XPO7: variants seen among roughly 807,000 people sequenced by gnomAD.
XPO7 encodes exportin 7, also known as exportin-7.
A neutral mutation model predicts 144.3 loss-of-function variants in XPO7; 21 were observed. That is an observed-to-expected ratio of 0.15 (90% confidence interval 0.10 to 0.21). XPO7 has a LOEUF of 0.21. Among genes scored for constraint, XPO7 ranks in the 10% least tolerant of loss-of-function variants. XPO7 has a pLI of 1.00. For missense variants in XPO7, 808 were observed against 1,325.8 expected (o/e 0.61, Z 6.06); for synonymous variants, 580 against 499.6 (o/e 1.16, Z -2.15).
rs1311196632 is a variant in XPO7, at chr8:21,989,943, A to G, written c.1869-401A>G. ...CGGCTCACTACAAGCTCCGCCTCCC[A>G]GGTTCATGCCATTCTCCTGCCTCAG... On this transcript the variant is annotated intron_variant, in intron 16 of 27. Transcript: ENST00000252512. 5.0e-5 allele frequency among the ~76,000 whole-genome samples: 7 copies of G among 140,482 alleles called. No homozygotes were observed. In the East Asian group the frequency reaches 1.3e-3, roughly 26 times the overall value. 92.2% of individuals were successfully genotyped at this position (140,482 alleles called of 152,430 possible).
chr8:22,003,671 G>A (rs550056709), intron 26 of XPO7, among the ~76,000 whole-genome samples: 1 of 152,276 alleles, frequency 6.6e-6, no homozygotes, highest in East Asian at 1.9e-4. Context: ...GAAAGGTCTG[G>A]ATAAGATGAC....
chr8:21,996,254 C>G lies in XPO7; in HGVS notation c.2345+655C>G, dbSNP rs148851211. ...GCCTGGGCAACATGGTGAAACCCAC[C>G]TCTACAAAAAATTAGCTGGGCATGG... On this transcript the variant is annotated intron_variant, in intron 21 of 27. Transcript: ENST00000252512. 2.0e-3 allele frequency among the ~76,000 whole-genome samples: 308 copies of G among 152,174 alleles called. 1 individual carries two copies. Among genetic ancestry groups the G allele is most frequent in the African/African-American group, 6.9e-3 (286 of 41,530 alleles).
intron 1 of XPO7, among the ~76,000 whole-genome samples, chr8:21,938,838 G>A (rs905627799): frequency 7.9e-5 from 12 of 152,052 alleles, no homozygotes; most frequent in Admixed American, 2.6e-4. Context: ...ATCCCAGATT[G>A]AGAAACGTTA....
chr8:21,974,195 T>C (rs944551357), intron 5 of XPO7, among the ~76,000 whole-genome samples: 1 of 150,624 alleles, frequency 6.6e-6, no homozygotes, highest in Non-Finnish European at 1.5e-5. Flanking sequence ...ATTTTTTTAT[T>C]TTTTTATTTT....
Position 21,919,756 on chromosome 8 carries a change from C to A in XPO7, c.-15C>A. ...GGGGGGAGGGGGGGCCGGAGAGGAG[C>A]ATGAATGGAGCAAAATGGCGGATCA... On this transcript the variant is annotated 5_prime_UTR_variant, in exon 1 of 28. Transcript: ENST00000252512. 1 of 562,320 alleles carries A rather than the reference C, an allele frequency of 1.8e-6. No individual in the cohort carries two copies. The highest frequency in any genetic ancestry group is 2.5e-6 in the Non-Finnish European group (1 of 404,492). 34.8% of individuals were successfully genotyped at this position (562,320 alleles called of 1,614,324 possible). A position where few individuals can be genotyped will look rare whatever the true frequency, so the allele number is the denominator to read the frequency against.
chr8:21,974,503 C>G (rs536691428), intron 5 of XPO7, among the ~76,000 whole-genome samples, 167 bp from the exon 6 acceptor site: 2 of 152,202 alleles, frequency 1.3e-5, no homozygotes, highest in Admixed American at 6.5e-5. Context: ...AGTTTACTAT[C>G]CTCCATCCTT....
chr8:21,973,166 TTAACAAC>T (rs1234021494), intron 5 of XPO7, among the ~76,000 whole-genome samples: 2 of 152,230 alleles, frequency 1.3e-5, no homozygotes, highest in African/African-American at 4.8e-5. Flanking sequence ...GCCTGTGTTC[TTAACAAC>T]TAATGTACTA....
intron 17 of XPO7, 127 bp downstream of exon 17, chr8:21,990,534 C>T (rs1812737242): frequency 1.9e-6 from 2 of 1,054,102 alleles, no homozygotes; most frequent in African/African-American, 1.6e-5. Flanking sequence ...TCCTGATTCC[C>T]ACGATACTGC....
chr8:21,972,686 A>G lies in XPO7; in HGVS notation c.492+745A>G, dbSNP rs74780737. Reference sequence around the variant, plus strand: ...TAGTCATTTACTTTTTTATCCAGCTAAAAATTTGTGATTATAGAACAGGCC... The same window carrying G: ...TAGTCATTTACTTTTTTATCCAGCTGAAAATTTGTGATTATAGAACAGGCC... On this transcript the variant is annotated intron_variant, in intron 5 of 27. Coordinates refer to ENST00000252512, the MANE Select transcript of XPO7 (RefSeq NM_015024.5). Among the ~76,000 whole-genome samples the G allele has an allele frequency of 4.2e-3, 645 of 152,324 alleles. 5 individuals are homozygous for G. Among genetic ancestry groups the G allele is most frequent in the African/African-American group, 0.015 (620 of 41,562 alleles).
chr8:21,969,899 A>G, intron 3 of XPO7: 1 of 553,756 alleles, frequency 1.8e-6, no homozygotes, highest in South Asian at 2.5e-5. Flanking sequence ...CTACCTAGGG[A>G]TAGAGTCAAA....
chr8:22,005,818 A>G lies in XPO7; in HGVS notation c.*730A>G, dbSNP rs1195233649. 6.6e-6 allele frequency: 1 copy of G among 152,152 alleles called. No individual in the cohort carries two copies. Among genetic ancestry groups the G allele is most frequent in the African/African-American group, 2.4e-5 (1 of 41,422 alleles). The allele number at this position is 152,152 out of a possible 1,614,324, so 9.4% of individuals were successfully genotyped here. On this transcript the variant is annotated 3_prime_UTR_variant, in exon 28 of 28. Transcript: ENST00000252512. ...GGGTCCCTAGCCCCTTGCAGTGATA[A>G]ATAACTCCAGCTAAAAGTGTTTGGT...
In XPO7 at chr8:21,980,173, T is replaced by C. The variant is rs748505673; in HGVS notation, c.927T>C (p.Asp309=). The C allele has an allele frequency of 6.2e-7, 1 of 1,601,770 alleles. No individual in the cohort carries two copies. Among genetic ancestry groups the C allele is most frequent in the South Asian group, 1.1e-5 (1 of 88,714 alleles). ...CCAAGTTTCTCTCTCATCTTGTTGA[T>C]GGTGTTAAACGAATACTGGAAAACC... ...ERAKFLSHLV[D]GVKRILENPQ... The change falls in exon 9 of 28, where the codon GAT becomes GAC. Residue 309 remains aspartate (D), a synonymous_variant. Transcript: ENST00000252512.
chr8:21,963,567 C>T (rs764819614), intron 1 of XPO7, among the ~76,000 whole-genome samples: 15 of 151,960 alleles, frequency 9.9e-5, no homozygotes, highest in African/African-American at 3.1e-4. Context: ...TGGTGGCACG[C>T]GCCTGTAGTC....
intron 1 of XPO7, among the ~76,000 whole-genome samples, chr8:21,937,255 T>C (rs1810851271): frequency 6.6e-6 from 1 of 152,206 alleles, no homozygotes; most frequent in African/African-American, 2.4e-5. Context: ...CTTATTTGGA[T>C]GTGTTAAATG....
At chr8:21,956,626 G>A (rs1164464637) in intron 1 of XPO7, among the ~76,000 whole-genome samples, 1 of 139,942 alleles carries the variant, frequency 7.1e-6, no homozygotes, top group East Asian at 2.0e-4. Flanking sequence ...CTTTTGCTCT[G>A]TTGTCTGTGA....
At chr8:21,969,299 G>C (rs1811977601) in intron 2 of XPO7, among the ~76,000 whole-genome samples, 184 bp from the exon 3 acceptor site, 2 of 142,372 alleles carry the variant, frequency 1.4e-5, no homozygotes, top group African/African-American at 5.9e-5. Flanking sequence ...GTTGAAGTCA[G>C]CTAATAAACT....
intron 9 of XPO7, 91 bp downstream of exon 9, chr8:21,980,294 A>G: frequency 7.0e-7 from 1 of 1,424,406 alleles, no homozygotes; most frequent in South Asian, 1.4e-5. Flanking sequence ...GGCCCAGTAA[A>G]CAATTCAGTC....
intron 7 of XPO7, 131 bp downstream of exon 7, chr8:21,976,652 T>G: frequency 8.7e-7 from 1 of 1,145,608 alleles, no homozygotes; most frequent in Non-Finnish European, 1.2e-6. Context: ...TAACGTCTTT[T>G]TTTGTTTGTT....
chr8:21,987,076 CTTGGG>C, intron 13 of XPO7, 60 bp from the exon 14 acceptor site: 1 of 1,604,432 alleles, frequency 6.2e-7, no homozygotes, highest in Non-Finnish European at 8.5e-7. Context: ...GTCAAGATAG[CTTGGG>C]TTGTCTAGAG....
Sources: allele counts gnomAD v4.1 joint callset (sites outside exome capture counted in the v4.1 genomes callset), GRCh38; gene constraint gnomAD v4.1.1; transcripts MANE v1.5; gene names NCBI Gene and HGNC (gene_info 2026-07-23, HGNC 2026-07-21).